The following PKD2 variants were observed in gnomAD, a reference collection of about 807,000 sequenced individuals.
PKD2 encodes the protein polycystin-2.
A neutral mutation model predicts 105.9 loss-of-function variants in PKD2; 48 were observed. The ratio of observed to expected loss-of-function variants is 0.45; its 90% CI spans 0.36 to 0.58. The LOEUF (loss-of-function observed/expected upper bound fraction) is 0.58. Ranked by LOEUF, PKD2 falls within the 20% of genes least tolerant of loss-of-function variation. The pLI is 0.00. For missense variants in PKD2, 1,078 were observed against 1,255.3 expected (o/e 0.86, Z 2.13); for synonymous variants, 464 against 481.1 (o/e 0.96, Z 0.46).
At chr4:88,062,573 G>T (rs1223165650) in intron 10 of PKD2, among the ~76,000 whole-genome samples, 3 of 152,180 alleles carry the variant, frequency 2.0e-5, no homozygotes, top group Non-Finnish European at 4.4e-5. Context: ...AAATAGAAGG[G>T]CAGGACAGGA....
chr4:88,027,353 G>A (rs1726994215), intron 2 of PKD2, among the ~76,000 whole-genome samples: 1 of 152,212 alleles, frequency 6.6e-6, no homozygotes, highest in African/African-American at 2.4e-5. Context: ...AAGATTTAAT[G>A]AATGCCCTGT....
intron 7 of PKD2, among the ~76,000 whole-genome samples, chr4:88,054,822 T>C (rs916709271): frequency 6.6e-6 from 1 of 151,160 alleles, no homozygotes; most frequent in Non-Finnish European, 1.5e-5. Flanking sequence ...GCCCGGCTAA[T>C]TTTTTATATT....
intron 9 of PKD2, among the ~76,000 whole-genome samples, chr4:88,059,377 C>T (rs1720476991): frequency 6.6e-6 from 1 of 152,112 alleles, no homozygotes. Context: ...GATAGTACTT[C>T]GGATTCTAGA....
intron 4 of PKD2, among the ~76,000 whole-genome samples, chr4:88,041,199 T>A (rs1166895041): frequency 6.6e-6 from 1 of 152,226 alleles, no homozygotes; most frequent in Admixed American, 6.5e-5. Context: ...AGAGTCATTT[T>A]TGAGCCATGT....
At position 88,041,987 on chromosome 4, in the gene PKD2, C is replaced by T. The variant is rs57679988; in HGVS notation, c.1095-1246C>T. On this transcript the variant is annotated intron_variant, in intron 4 of 14. Transcript: ENST00000237596. ...TGTGTGCCTCTTAGAACTTTCCCTTCACAGACTCCTTCATGTTTGCCCTTC... is the reference window on the plus strand; with the variant it reads ...TGTGTGCCTCTTAGAACTTTCCCTTTACAGACTCCTTCATGTTTGCCCTTC... Among the ~76,000 whole-genome samples, 1,009 of 152,344 alleles carry T rather than the reference C, an allele frequency of 6.6e-3. 13 individuals carry two copies. Among genetic ancestry groups the T allele is most frequent in the African/African-American group, 0.024 (979 of 41,572 alleles).
chr4:88,066,063 G>A (rs563894981), intron 12 of PKD2, among the ~76,000 whole-genome samples, 184 bp downstream of exon 12: 67 of 152,214 alleles, frequency 4.4e-4, no homozygotes, highest in African/African-American at 1.6e-3. Flanking sequence ...ACACAATTAT[G>A]TATAAAAATG....
Position 88,038,348 on chromosome 4 carries a change from T to C in PKD2, c.941T>C (p.Leu314Pro). Residue 314 changes from leucine to proline, a missense_variant, in exon 4 of 15, where the codon CTG becomes CCG. Leu to Pro is a moderately conservative substitution (Grantham distance 98, BLOSUM62 -3). Coordinates refer to ENST00000237596, the MANE Select transcript of PKD2 (RefSeq NM_000297.4). Reference sequence around the variant, plus strand: ...CGAAGTTTCATCTTCTATGAGAACCTGCTGTTAGGGGTTCCACGAATACGG... The same window carrying C: ...CGAAGTTTCATCTTCTATGAGAACCCGCTGTTAGGGGTTCCACGAATACGG... ...DNRSFIFYEN[L>P]LLGVPRIRQL... is the part of the protein sequence containing the mutation. The C allele has an allele frequency of 6.2e-7, 1 of 1,613,988 alleles. No individual in the cohort carries two copies. The highest frequency in any genetic ancestry group is 8.5e-7 in the Non-Finnish European group (1 of 1,179,884).
chr4:88,042,078 C>T (rs1429494584), intron 4 of PKD2, among the ~76,000 whole-genome samples: 2 of 152,240 alleles, frequency 1.3e-5, no homozygotes, highest in Non-Finnish European at 2.9e-5. Flanking sequence ...AACTGAACTA[C>T]TTCTTCTCTT....
chr4:88,028,433 G>C (rs755183494), intron 2 of PKD2, among the ~76,000 whole-genome samples: 2 of 152,198 alleles, frequency 1.3e-5, no homozygotes, highest in Non-Finnish European at 2.9e-5. Flanking sequence ...AAGATCACAT[G>C]TTGCAATCCA....
In PKD2 at chr4:88,046,296, AAAT is replaced by A. The variant is rs564886890; in HGVS notation, c.1320-340_1320-338del. 8.5e-4 allele frequency among the ~76,000 whole-genome samples: 130 copies of A among 152,308 alleles called. 1 individual carries two copies. Among genetic ancestry groups the A allele is most frequent in the African/African-American group, 2.9e-3 (121 of 41,570 alleles). On this transcript the variant is annotated intron_variant, in intron 5 of 14. Coordinates refer to ENST00000237596, the MANE Select transcript of PKD2 (RefSeq NM_000297.4). Reference sequence around the variant, plus strand: ...CAAAGCGAGTCCCTGTCTCTTAAAAAAATAATAACAGAAGTCCTAGAAAAGTTT... The same window carrying A: ...CAAAGCGAGTCCCTGTCTCTTAAAAAAATAACAGAAGTCCTAGAAAAGTTT...
In PKD2 at chr4:88,038,347, C is replaced by G; in HGVS notation, c.940C>G (p.Leu314Val). 6.2e-7 allele frequency: 1 copy of G among 1,614,026 alleles called. No homozygotes were observed. The highest frequency in any genetic ancestry group is 8.5e-7 in the Non-Finnish European group (1 of 1,179,906). The change falls in exon 4 of 15, where the codon CTG becomes GTG. Residue 314 changes from leucine to valine, a missense_variant. By Grantham distance (32) the Leu-to-Val change is conservative (BLOSUM62 1). Coordinates refer to ENST00000237596, the MANE Select transcript of PKD2 (RefSeq NM_000297.4). ...DNRSFIFYEN[L>V]LLGVPRIRQL... The stretch of plus-strand genomic sequence containing the variant: ...CCGAAGTTTCATCTTCTATGAGAAC[C>G]TGCTGTTAGGGGTTCCACGAATACG...
Position 88,063,628 on chromosome 4 carries a change from T to C in PKD2, c.2118+1624T>C, listed in dbSNP as rs371902155. Among the ~76,000 whole-genome samples, 13 of 151,932 alleles carry C rather than the reference T, an allele frequency of 8.6e-5. No homozygotes were observed. In the East Asian group the frequency reaches 1.7e-3, roughly 20 times the overall value. On this transcript the variant is annotated intron_variant, in intron 10 of 14. Transcript: ENST00000237596. ...GGAAGTGAAAATCAAAACAGAGTAA[T>C]GGATTTATAGAAGAAATAGCTGAGT...
chr4:88,055,955 GT>G (rs1228763518), intron 7 of PKD2, 130 bp from the exon 8 acceptor site: 1 of 714,914 alleles, frequency 1.4e-6, no homozygotes, highest in African/African-American at 1.8e-5. Flanking sequence ...TTTGCATGAT[GT>G]TTTCAAGGTT....
rs369836372 is a variant in PKD2 at position 88,036,027 on chromosome 4, CT to C, written c.710-189del. The stretch of plus-strand genomic sequence containing the variant: ...AAGCCAATATTAATATTACGTATTT[CT>C]TTTATAAGCCAGAGATATAGAGAGA... On this transcript the variant is annotated intron_variant, in intron 2 of 14. Coordinates refer to ENST00000237596, the MANE Select transcript of PKD2 (RefSeq NM_000297.4). 1.9e-3 allele frequency: 1,476 copies of C among 784,362 alleles called. 15 individuals carry two copies. In the African/African-American group the frequency reaches 0.022, roughly 12 times the overall value. The allele number at this position is 784,362 out of a possible 1,614,324, so 48.6% of individuals were successfully genotyped here. A position where few individuals can be genotyped will look rare whatever the true frequency, so the allele number is the denominator to read the frequency against.
At chr4:88,068,914 G>C (rs979301261) in intron 13 of PKD2, among the ~76,000 whole-genome samples, 1 of 152,042 alleles carries the variant, frequency 6.6e-6, no homozygotes, top group African/African-American at 2.4e-5. Context: ...GTGTATTTTG[G>C]AACTCTGTTG....
rs367613050 is a variant in PKD2 at position 88,019,002 on chromosome 4, G to T, written c.596-456G>T. ...CAACAAGGACTTCTTTTCATCAGGG[G>T]TGACCTAAAAGTTATTACTTGAAAT... On this transcript the variant is annotated intron_variant, in intron 1 of 14. Transcript: ENST00000237596. Among the ~76,000 whole-genome samples, 32 of 152,222 alleles carry T rather than the reference G, an allele frequency of 2.1e-4. No individual in the cohort carries two copies. The South Asian group carries it at 6.4e-3, about 31-fold the overall frequency.
At position 88,067,937 on chromosome 4, in the gene PKD2, A is replaced by G; in HGVS notation, c.2398A>G (p.Met800Val). Residue 800 changes from methionine (M) to valine (V), a missense_variant, in exon 13 of 15, where the codon ATG becomes GTG. Physicochemically the swap from Met to Val is conservative, Grantham distance 21 (BLOSUM62 1). Around this residue, in one of 2 missense-constraint regions of PKD2, gnomAD observed 868 missense variants for 1,067.3 expected, o/e 0.81. Coordinates refer to ENST00000237596, the MANE Select transcript of PKD2 (RefSeq NM_000297.4). ...DLDHSSLPRP[M>V]SSRSFPRSLD... is the part of the protein sequence containing the mutation. ...GGATCACAGTTCTTTACCACGTCCC[A>G]TGAGCAGCCGAAGTTTCCCTCGAAG... is the stretch of plus-strand genomic sequence containing the variant. The G allele has an allele frequency of 1.9e-6, 3 of 1,614,094 alleles. No individual in the cohort carries two copies. Among genetic ancestry groups the G allele is most frequent in the South Asian group, 2.2e-5 (2 of 91,084 alleles).
chr4:88,025,435 C>T (rs1263264533), intron 2 of PKD2, among the ~76,000 whole-genome samples: 1 of 151,196 alleles, frequency 6.6e-6, no homozygotes, highest in African/African-American at 2.4e-5. Context: ...CACAGTGAGA[C>T]CTTGTGTCAA....
chr4:88,016,508 T>G (rs1726566290), intron 1 of PKD2, among the ~76,000 whole-genome samples: 1 of 152,208 alleles, frequency 6.6e-6, no homozygotes, highest in Non-Finnish European at 1.5e-5. Context: ...GCAGGACAGC[T>G]ATTTTTCCTA....
Sources: allele counts gnomAD v4.1 joint callset (sites outside exome capture counted in the v4.1 genomes callset), GRCh38; gene constraint gnomAD v4.1.1; regional missense constraint gnomAD v4.1.1; transcripts MANE v1.5; gene names NCBI Gene and HGNC (gene_info 2026-07-23, HGNC 2026-07-21).